TAF1: variants seen among roughly 807,000 people sequenced by gnomAD.
The protein encoded by TAF1 is TATA-box binding protein associated factor 1.
TAF1 carries 2 observed loss-of-function variants against 138.5 expected under a neutral mutation model. The observed-to-expected ratio is 0.01, with a 90% confidence interval of 0.01 to 0.05. The LOEUF (loss-of-function observed/expected upper bound fraction) is 0.05. TAF1 is among the 10% of genes least tolerant of loss of function. The pLI, the probability that TAF1 is intolerant of heterozygous loss-of-function variation, is 1.00. For missense variants in TAF1, 709 were observed against 1,478.0 expected (o/e 0.48, Z 8.53); for synonymous variants, 437 against 503.2 (o/e 0.87, Z 1.76).
intron 32 of TAF1, among the ~76,000 whole-genome samples, chrX:71,438,817 T>C (rs952891367): frequency 3.6e-5 from 4 of 111,297 alleles, no homozygotes; most frequent in Non-Finnish European, 5.7e-5. Context: ...ACAAAAAAAT[T>C]AGCCAGGCGT....
At chrX:71,367,136 A>T (rs937241072) in intron 1 of TAF1, among the ~76,000 whole-genome samples, 26 of 112,214 alleles carry the variant, frequency 2.3e-4, no homozygotes, top group African/African-American at 7.4e-4. Flanking sequence ...CATGCGAAAC[A>T]GGGACCGAAC....
intron 24 of TAF1, among the ~76,000 whole-genome samples, chrX:71,399,941 A>G (rs2148431227): frequency 9.1e-6 from 1 of 109,692 alleles, no homozygotes; most frequent in South Asian, 3.9e-4. Context: ...CATGTTGGCC[A>G]GGCTGGACTT....
chrX:71,527,729 T>C (rs1335065904), intron 13 of TAF1: 4 of 115,274 alleles, frequency 3.5e-5, no homozygotes, highest in East Asian at 2.7e-4. Flanking sequence ...GGCATCAAAA[T>C]TGATAGCAAC....
At chrX:71,484,233 T>A (rs2039131815) in intron 13 of TAF1, among the ~76,000 whole-genome samples, 1 of 111,964 alleles carries the variant, frequency 8.9e-6, no homozygotes, top group Admixed American at 9.5e-5. Flanking sequence ...TTTAACAATG[T>A]TTGAGTCTCC....
chrX:71,404,951 C>CTTT (rs1170234048), intron 25 of TAF1, among the ~76,000 whole-genome samples: 50 of 74,836 alleles, frequency 6.7e-4, no homozygotes, highest in African/African-American at 1.1e-3. Flanking sequence ...TTATTCCAAA[C>CTTT]TTTTTTTTTT....
At chrX:71,519,651 A>G (rs931362595) in intron 13 of TAF1, among the ~76,000 whole-genome samples, 1 of 107,573 alleles carries the variant, frequency 9.3e-6, no homozygotes, top group African/African-American at 3.6e-5. Context: ...TCAAAAAAAT[A>G]AAAATAAAAA....
rs1219024718 is a variant in TAF1 at position 71,380,905 on chromosome X, G to T, written c.1361-838G>T. Among the ~76,000 whole-genome samples the T allele has an allele frequency of 2.7e-5, 3 of 111,544 alleles. No homozygotes were observed. The South Asian group carries it at 1.1e-3, about 42-fold the overall frequency. On this transcript the variant is annotated intron_variant, in intron 8 of 37. Coordinates refer to ENST00000423759, the MANE Select transcript of TAF1 (RefSeq NM_004606.5). ...GGGGTTTCACCAGGTTGGCCAGGCT[G>T]GTCTTGAACTCCTGACCTCAAGTGA...
chrX:71,384,182 A>G (rs749118088), intron 13 of TAF1, 47 bp downstream of exon 13: 17 of 1,179,404 alleles, frequency 1.4e-5, no homozygotes, highest in Non-Finnish European at 1.9e-5. Flanking sequence ...AATTCTGCTT[A>G]TGCTTCCATA....
intron 14 of TAF1, among the ~76,000 whole-genome samples, chrX:71,385,322 A>G (rs1324662195): frequency 1.8e-5 from 2 of 112,196 alleles, no homozygotes; most frequent in African/African-American, 6.5e-5. Context: ...AAGTCAACCT[A>G]GGATGAATTT....
chrX:71,371,567 A>G (rs766911474), intron 3 of TAF1, among the ~76,000 whole-genome samples: 1 of 112,191 alleles, frequency 8.9e-6, no homozygotes, highest in South Asian at 3.7e-4. Flanking sequence ...GCCAAATAGC[A>G]AGAACCAAGG....
At chrX:71,501,814 T>C (rs1053194026) in intron 13 of TAF1, among the ~76,000 whole-genome samples, 2 of 111,348 alleles carry the variant, frequency 1.8e-5, no homozygotes, top group Admixed American at 9.6e-5. Flanking sequence ...AACAGGTGCC[T>C]GGTAGTTAGC....
At chrX:71,502,044 A>T (rs779573347) in intron 13 of TAF1, among the ~76,000 whole-genome samples, 150 of 111,033 alleles carry the variant, frequency 1.4e-3, no homozygotes, top group African/African-American at 4.8e-3. Flanking sequence ...CAGCAGCAAG[A>T]TTTATTGTGA....
At chrX:71,452,115 C>T (rs1340572293) in intron 32 of TAF1, among the ~76,000 whole-genome samples, 1 of 105,874 alleles carries the variant, frequency 9.4e-6, no homozygotes, top group African/African-American at 3.4e-5. Flanking sequence ...GCTGACCCCC[C>T]CCCCCACCTC....
chrX:71,420,601 A>G (rs934484024), intron 28 of TAF1: 1 of 1,207,578 alleles, frequency 8.3e-7, no homozygotes, highest in African/African-American at 1.7e-5. Flanking sequence ...TTAGCTTCTC[A>G]GCTTCTTCCT....
At chrX:71,381,094 C>T (rs180987206) in intron 8 of TAF1, among the ~76,000 whole-genome samples, 73 of 112,095 alleles carry the variant, frequency 6.5e-4, no homozygotes, top group Non-Finnish European at 1.1e-3. Flanking sequence ...CATAATTTAC[C>T]GATAACATGT....
intron 13 of TAF1, among the ~76,000 whole-genome samples, chrX:71,497,525 C>A (rs1310245690): frequency 9.0e-6 from 1 of 111,655 alleles, no homozygotes; most frequent in Non-Finnish European, 1.9e-5. Flanking sequence ...CGCTACTACC[C>A]ATAAACAGTG....
chrX:71,503,348 A>ATATATATATGTGTG (rs1556031095), intron 13 of TAF1, among the ~76,000 whole-genome samples: 3 of 92,844 alleles, frequency 3.2e-5, no homozygotes, highest in Admixed American at 1.2e-4. Flanking sequence ...ATATATGTGT[A>ATATATATATGTGTG]TATATATATA....
At chrX:71,398,510 T>C in intron 23 of TAF1, 62 bp from the exon 24 acceptor site, 1 of 1,180,007 alleles carries the variant, frequency 8.5e-7, no homozygotes, top group East Asian at 3.0e-5. Flanking sequence ...ACGATAGTCT[T>C]CTTGGTTAAG....
intron 8 of TAF1, among the ~76,000 whole-genome samples, chrX:71,379,520 A>T (rs918496405): frequency 4.5e-5 from 5 of 110,090 alleles, no homozygotes; most frequent in Non-Finnish European, 9.5e-5. Flanking sequence ...ACCTGGAGGA[A>T]GATAGTCCAT....
Sources: gnomAD v4.1 joint callset for allele counts (sites outside exome capture counted in the v4.1 genomes callset) on GRCh38, gnomAD v4.1.1 for gene constraint, MANE v1.5 for transcripts, NCBI Gene and HGNC (gene_info 2026-07-23, HGNC 2026-07-21) for gene names.